The following SNX29 variants were observed in gnomAD, a reference collection of about 807,000 sequenced individuals.
SNX29 encodes the protein sorting nexin-29.
Under a neutral mutation model 102.1 loss-of-function variants are expected in SNX29, and 78 were observed. The ratio of observed to expected loss-of-function variants is 0.76; its 90% CI spans 0.64 to 0.92. SNX29 has a LOEUF of 0.92. Among genes scored for constraint, SNX29 ranks in the 40% least tolerant of loss-of-function variants. The pLI, the probability that SNX29 is intolerant of heterozygous loss-of-function variation, is 0.00. For synonymous variants in SNX29, 580 were observed against 414.5 expected (o/e 1.40, Z -4.85); for missense variants, 1,280 against 1,061.7 (o/e 1.21, Z -2.86).
At chr16:12,550,963 C>T (rs188899360) in intron 20 of SNX29, among the ~76,000 whole-genome samples, 2 of 152,114 alleles carry the variant, frequency 1.3e-5, no homozygotes, top group Non-Finnish European at 2.9e-5. Flanking sequence ...GTAGAATGGG[C>T]TTAGGGCACA....
At chr16:12,199,713 G>T in intron 14 of SNX29, 30 bp downstream of exon 14, 1 of 1,596,952 alleles carries the variant, frequency 6.3e-7, no homozygotes, top group South Asian at 1.1e-5. Context: ...CGGGTTGGGA[G>T]GGGCCGGGCT....
chr16:12,416,175 C>T (rs2084627819), intron 18 of SNX29, among the ~76,000 whole-genome samples: 1 of 152,186 alleles, frequency 6.6e-6, no homozygotes, highest in African/African-American at 2.4e-5. Context: ...ACCCCAGAGA[C>T]TGCTCATGGG....
chr16:12,517,474 C>G (rs557537460), intron 19 of SNX29, among the ~76,000 whole-genome samples: 1 of 152,306 alleles, frequency 6.6e-6, no homozygotes, highest in African/African-American at 2.4e-5. Flanking sequence ...CCAGTCTGTC[C>G]ACTCCACCAC....
intron 18 of SNX29, among the ~76,000 whole-genome samples, chr16:12,423,944 G>T (rs528691255): frequency 5.9e-4 from 90 of 152,340 alleles, no homozygotes; most frequent in Middle Eastern, 6.8e-3. Flanking sequence ...TGGACAAGGG[G>T]CCTGGTGTCG....
intron 20 of SNX29, among the ~76,000 whole-genome samples, chr16:12,541,322 TTC>T (rs1158429436): frequency 1.3e-5 from 2 of 152,178 alleles, no homozygotes; most frequent in African/African-American, 4.8e-5. Flanking sequence ...GATGGAGGAC[TTC>T]TGAGTGCCAG....
intron 15 of SNX29, among the ~76,000 whole-genome samples, chr16:12,320,492 A>C (rs1207775839): frequency 6.6e-6 from 1 of 152,232 alleles, no homozygotes; most frequent in East Asian, 1.9e-4. Flanking sequence ...AGCAGAGGTC[A>C]GAGGCTGGGA....
rs374081538 is a variant in SNX29 at position 12,085,080 on chromosome 16, GA to G, written c.1402+6175del. On this transcript the variant is annotated intron_variant, in intron 11 of 20. Coordinates refer to ENST00000566228, the MANE Select transcript of SNX29 (RefSeq NM_032167.5). ...GCTAGACCCGTCTCAAAAAGAAAAA[GA>G]AAAAAAAAAGAAATCCCCAGGGCAG... Among the ~76,000 whole-genome samples, 1,220 of 146,898 alleles carry G rather than the reference GA, an allele frequency of 8.3e-3. 18 individuals are homozygous for G. The highest frequency in any genetic ancestry group is 0.029 in the African/African-American group (1,152 of 40,040).
intron 6 of SNX29, among the ~76,000 whole-genome samples, chr16:12,047,651 CTTTTTT>C (rs376623418): frequency 7.9e-6 from 1 of 126,632 alleles, no homozygotes. Flanking sequence ...GGACCAAGGT[CTTTTTT>C]TTTTTTTTTT....
At chr16:12,381,382 C>T (rs111218346) in intron 16 of SNX29, among the ~76,000 whole-genome samples, 10 of 56,328 alleles carry the variant, frequency 1.8e-4, no homozygotes, top group South Asian at 5.6e-4. Flanking sequence ...CCATCATCCA[C>T]CCACCCACTC....
chr16:12,472,158 G>T (rs575164486), intron 18 of SNX29, among the ~76,000 whole-genome samples: 5 of 152,162 alleles, frequency 3.3e-5, no homozygotes, highest in African/African-American at 4.8e-5. Flanking sequence ...TGCATCTCAC[G>T]TCCACAGTAC....
intron 5 of SNX29, 101 bp downstream of exon 5, chr16:12,043,178 T>TG: frequency 7.0e-7 from 1 of 1,435,710 alleles, no homozygotes. Context: ...TTCCCCGATC[T>TG]GGGGGAAGTG....
chr16:12,385,166 A>G (rs999476961), intron 16 of SNX29, among the ~76,000 whole-genome samples: 1 of 152,216 alleles, frequency 6.6e-6, no homozygotes, highest in African/African-American at 2.4e-5. Flanking sequence ...GCGAAACTCC[A>G]TCTCAAAAAA....
chr16:12,043,470 T>A (rs911378138), intron 5 of SNX29, among the ~76,000 whole-genome samples: 5 of 151,986 alleles, frequency 3.3e-5, no homozygotes, highest in Admixed American at 2.6e-4. Context: ...TCCTCCCACC[T>A]TAGCCTCCTG....
rs1404725155 is a variant in SNX29, at chr16:12,569,324, C to T, written c.*695C>T. 4.4e-6 allele frequency: 1 copy of T among 229,876 alleles called. No individual in the cohort carries two copies. The highest frequency in any genetic ancestry group is 2.2e-5 in the African/African-American group (1 of 45,104). The allele number at this position is 229,876 out of a possible 1,614,324, so 14.2% of individuals were successfully genotyped here. On this transcript the variant is annotated 3_prime_UTR_variant, in exon 21 of 21. Transcript: ENST00000566228. ...TGGCTTCAGGAAGGACCAGTGCCCTCCATAGCCTGAGGCCACCTAGGCCCT... is the reference window on the plus strand; with the variant it reads ...TGGCTTCAGGAAGGACCAGTGCCCTTCATAGCCTGAGGCCACCTAGGCCCT...
At chr16:12,175,713 G>A (rs146280730) in intron 13 of SNX29, among the ~76,000 whole-genome samples, 7 of 151,972 alleles carry the variant, frequency 4.6e-5, no homozygotes, top group African/African-American at 1.2e-4. Flanking sequence ...TAAGAAGAGG[G>A]GAGGTTGGGT....
At chr16:12,167,209 G>C (rs558654704) in intron 13 of SNX29, among the ~76,000 whole-genome samples, 16 of 152,312 alleles carry the variant, frequency 1.1e-4, no homozygotes, top group East Asian at 9.6e-4. Context: ...TTTCCCTCAT[G>C]AGAAGTCTGG....
Position 12,407,387 on chromosome 16 carries a change from A to G in SNX29, c.2037+3858A>G, listed in dbSNP as rs181057421. ...CCTCCTAGTTATGTCACAGAATTCT[A>G]TTTTTCCATTTACCATGGTGATGTA... On this transcript the variant is annotated intron_variant, in intron 18 of 20. Transcript: ENST00000566228. 2.0e-3 allele frequency among the ~76,000 whole-genome samples: 297 copies of G among 149,886 alleles called. 2 individuals are homozygous for G. Among genetic ancestry groups the G allele is most frequent in the Non-Finnish European group, 6.1e-4 (41 of 67,562 alleles).
intron 16 of SNX29, among the ~76,000 whole-genome samples, chr16:12,391,768 C>G (rs756736774): frequency 6.6e-6 from 1 of 152,184 alleles, no homozygotes; most frequent in African/African-American, 2.4e-5. Context: ...CAGAATGTCC[C>G]TTCATGCCAT....
chr16:12,108,809 A>C lies in SNX29; in HGVS notation c.1403-17824A>C, dbSNP rs144670194. ...GTCTTGTTCGTTTTCTGTTGCTTAT[A>C]ACAGAGTACTTGAAGTTGGGTAATT... On this transcript the variant is annotated intron_variant, in intron 11 of 20. Coordinates refer to ENST00000566228, the MANE Select transcript of SNX29 (RefSeq NM_032167.5). Among the ~76,000 whole-genome samples, 1,051 of 152,186 alleles carry C rather than the reference A, an allele frequency of 6.9e-3. 5 individuals carry two copies. The highest frequency in any genetic ancestry group is 0.014 in the Middle Eastern group (4 of 294).
Sources: allele counts gnomAD v4.1 joint callset (sites outside exome capture counted in the v4.1 genomes callset), GRCh38; gene constraint gnomAD v4.1.1; transcripts MANE v1.5; gene names NCBI Gene and HGNC (gene_info 2026-07-23, HGNC 2026-07-21).